Variants in SNTB1 observed in about 807,000 individuals in gnomAD.
SNTB1 encodes the protein syntrophin beta 1.
SNTB1 carries 36 observed loss-of-function variants against 48.9 expected under a neutral mutation model. The ratio of observed to expected loss-of-function variants is 0.74; its 90% CI spans 0.56 to 0.97. The LOEUF (loss-of-function observed/expected upper bound fraction) is 0.97. SNTB1 is among the 50% of genes least tolerant of loss of function. The pLI is 0.00. For missense variants in SNTB1, 786 were observed against 703.4 expected, an observed-to-expected ratio of 1.12 and a Z score of -1.33; for synonymous variants, 299 against 294.6, an observed-to-expected ratio of 1.01 and a Z score of -0.15.
chr8:120,589,996 C>A lies in SNTB1; in HGVS notation c.997-14771G>T, dbSNP rs572653264. On this transcript the variant is annotated intron_variant, in intron 3 of 6. Coordinates refer to ENST00000517992, the MANE Select transcript of SNTB1 (RefSeq NM_021021.4). ...CATTTTCCAGCTCCATCTTATCTTG[C>A]ACATTCACCCTCCTCTAACAATTCC... 3.9e-5 allele frequency among the ~76,000 whole-genome samples: 6 copies of A among 152,280 alleles called. No individual in the cohort carries two copies. The South Asian group carries it at 8.3e-4, about 21-fold the overall frequency.
chr8:120,747,534 G>GC, intron 1 of SNTB1, among the ~76,000 whole-genome samples: 1 of 152,154 alleles, frequency 6.6e-6, no homozygotes, highest in East Asian at 1.9e-4. Context: ...CTATTGATCC[G>GC]CCTGCCTCAG....
intron 2 of SNTB1, among the ~76,000 whole-genome samples, chr8:120,648,305 C>G (rs1487516959): frequency 2.0e-5 from 3 of 148,246 alleles, no homozygotes; most frequent in South Asian, 4.5e-4. Flanking sequence ...CGGCTGGTAC[C>G]GGTTGTTCCT....
chr8:120,810,365 C>T (rs76807751), intron 1 of SNTB1, among the ~76,000 whole-genome samples: 1,948 of 152,266 alleles, frequency 0.013, 51 homozygotes, highest in African/African-American at 0.044. Context: ...CTCAACATAG[C>T]CATGAACAGT....
chr8:120,611,314 A>C (rs776985344), intron 3 of SNTB1, among the ~76,000 whole-genome samples: 32 of 151,784 alleles, frequency 2.1e-4, no homozygotes, highest in Non-Finnish European at 4.4e-4. Context: ...AAGGGAGAAG[A>C]AGCAAAATCA....
chr8:120,798,478 A>G (rs1200321158), intron 1 of SNTB1, among the ~76,000 whole-genome samples: 1 of 152,100 alleles, frequency 6.6e-6, no homozygotes, highest in Admixed American at 6.6e-5. Context: ...TAAACATCCT[A>G]TAATACAAAG....
chr8:120,679,320 G>T (rs144352062), intron 2 of SNTB1, among the ~76,000 whole-genome samples: 1,874 of 152,262 alleles, frequency 0.012, 21 homozygotes, highest in Non-Finnish European at 0.019. Flanking sequence ...TGGAAATCCA[G>T]TAAGGAACAC....
At chr8:120,568,695 C>T (rs761010667) in intron 4 of SNTB1, among the ~76,000 whole-genome samples, 16 of 152,180 alleles carry the variant, frequency 1.1e-4, no homozygotes, top group Admixed American at 2.0e-4. Flanking sequence ...CCTACTACTT[C>T]GAGAGGATAG....
At position 120,592,701 on chromosome 8, in the gene SNTB1, G is replaced by A. The variant is rs769550155; in HGVS notation, c.997-17476C>T. Among the ~76,000 whole-genome samples the A allele has an allele frequency of 9.9e-5, 15 of 152,222 alleles. No homozygotes were observed. In the South Asian group the frequency reaches 1.0e-3, roughly 11 times the overall value. On this transcript the variant is annotated intron_variant, in intron 3 of 6. Coordinates refer to ENST00000517992, the MANE Select transcript of SNTB1 (RefSeq NM_021021.4). ...AGAGAGGACAGGCATTACATAAGCC[G>A]TCAAATAAATAAAGAAATATATCAT...
chr8:120,643,186 G>T (rs1309010840), intron 2 of SNTB1, among the ~76,000 whole-genome samples: 1 of 152,144 alleles, frequency 6.6e-6, no homozygotes, highest in Non-Finnish European at 1.5e-5. Context: ...ATGGCAGCTT[G>T]TTTCCTCCAA....
intron 2 of SNTB1, among the ~76,000 whole-genome samples, chr8:120,674,593 C>T (rs1473476305): frequency 2.6e-5 from 4 of 152,294 alleles, no homozygotes; most frequent in South Asian, 4.1e-4. Flanking sequence ...GGGGCAAGGA[C>T]GTCTTCAATG....
At chr8:120,602,901 C>T (rs1439423496) in intron 3 of SNTB1, among the ~76,000 whole-genome samples, 4 of 151,554 alleles carry the variant, frequency 2.6e-5, no homozygotes, top group East Asian at 1.9e-4. Flanking sequence ...TTTTAAAAAG[C>T]GTTTAAACAT....
chr8:120,686,501 T>G (rs1333905356), intron 2 of SNTB1, among the ~76,000 whole-genome samples: 1 of 152,052 alleles, frequency 6.6e-6, no homozygotes, highest in Non-Finnish European at 1.5e-5. Context: ...ATCCCATTCA[T>G]GAAGTATTAA....
intron 1 of SNTB1, among the ~76,000 whole-genome samples, chr8:120,781,585 C>G (rs1438368608): frequency 6.6e-6 from 1 of 152,136 alleles, no homozygotes; most frequent in Admixed American, 6.5e-5. Flanking sequence ...GTGGGTGACC[C>G]AAGGCCATGG....
intron 2 of SNTB1, among the ~76,000 whole-genome samples, chr8:120,663,555 C>T (rs957012153): frequency 6.6e-6 from 1 of 152,174 alleles, no homozygotes; most frequent in African/African-American, 2.4e-5. Flanking sequence ...GATCCGCCTG[C>T]CTCGGCCTCC....
chr8:120,786,293 G>A (rs551356501), intron 1 of SNTB1, among the ~76,000 whole-genome samples: 2 of 152,184 alleles, frequency 1.3e-5, no homozygotes, highest in African/African-American at 2.4e-5. Context: ...AGGAAATCAG[G>A]CTGCAGGCCT....
At chr8:120,720,032 C>A (rs555660124) in intron 1 of SNTB1, among the ~76,000 whole-genome samples, 19 of 152,338 alleles carry the variant, frequency 1.2e-4, no homozygotes, top group Non-Finnish European at 2.4e-4. Flanking sequence ...CTCTTAAATG[C>A]CTGGGCAGCC....
intron 3 of SNTB1, among the ~76,000 whole-genome samples, chr8:120,626,050 C>G (rs1816877402): frequency 1.3e-5 from 2 of 152,150 alleles, no homozygotes; most frequent in Non-Finnish European, 2.9e-5. Flanking sequence ...TTTACATTCA[C>G]ACTGAGATTC....
At chr8:120,745,636 TGGA>T (rs1035932413) in intron 1 of SNTB1, among the ~76,000 whole-genome samples, 5 of 152,140 alleles carry the variant, frequency 3.3e-5, no homozygotes, top group African/African-American at 1.2e-4. Context: ...TTTAGAAACA[TGGA>T]GGAGAACTCT....
intron 1 of SNTB1, among the ~76,000 whole-genome samples, chr8:120,807,479 A>T (rs1820354249): frequency 6.6e-6 from 1 of 152,188 alleles, no homozygotes; most frequent in Non-Finnish European, 1.5e-5. Context: ...TGATGTGAAG[A>T]TTCCTGATCT....
Sources: gnomAD v4.1 joint callset for allele counts (sites outside exome capture counted in the v4.1 genomes callset) on GRCh38, gnomAD v4.1.1 for gene constraint, MANE v1.5 for transcripts, NCBI Gene and HGNC (gene_info 2026-07-23, HGNC 2026-07-21) for gene names.